C10orf90: variants seen among roughly 807,000 people sequenced by gnomAD.
C10orf90 encodes (E2-independent) E3 ubiquitin-conjugating enzyme FATS.
C10orf90 carries 56 observed loss-of-function variants against 62.5 expected under a neutral mutation model. The observed-to-expected ratio is 0.90, with a 90% confidence interval of 0.72 to 1.12. The LOEUF (loss-of-function observed/expected upper bound fraction) is 1.12. Among genes scored for constraint, C10orf90 ranks in the 50% most tolerant of loss-of-function variants. The probability of loss-of-function intolerance (pLI) is 0.00; values close to 1 mark genes in which losing one functional copy is unlikely to be tolerated. For synonymous variants in C10orf90, 386 were observed against 340.4 expected (o/e 1.13, Z -1.47); for missense variants, 970 against 880.4 (o/e 1.10, Z -1.29).
intron 2 of C10orf90, among the ~76,000 whole-genome samples, chr10:126,590,659 A>C (rs542838778): frequency 8.5e-5 from 13 of 152,278 alleles, no homozygotes; most frequent in African/African-American, 3.1e-4. Flanking sequence ...GAGACAACAT[A>C]CCAGAATCTC....
intron 4 of C10orf90, among the ~76,000 whole-genome samples, chr10:126,495,789 C>A (rs985780048): frequency 6.6e-6 from 1 of 152,174 alleles, no homozygotes; most frequent in African/African-American, 2.4e-5. Context: ...ATCTAGAATA[C>A]TTTTTCTTTC....
rs776898809 is a variant in C10orf90 at position 126,459,084 on chromosome 10, A to G, written c.2144T>C (p.Ile715Thr). The G allele has an allele frequency of 1.1e-5, 17 of 1,613,764 alleles. No individual in the cohort carries two copies. The highest frequency in any genetic ancestry group is 1.4e-5 in the Non-Finnish European group (16 of 1,180,026). ...CGTGAACTGCTTCTTGCTGGTGCGG[A>G]TGGGAAGGAGGCTCTGCTTCTGCCT... ...DLRQKQSLLP[I>T]RTSKKQFTIP... The change falls in exon 7 of 10, where the codon ATC (isoleucine) becomes ACC (threonine). Residue 715 changes from isoleucine (I) to threonine (T), a missense_variant. Coordinates refer to ENST00000488181, the MANE Select transcript of C10orf90 (RefSeq NM_001350921.2).
chr10:126,659,044 A>G (rs372223791), intron 1 of C10orf90, among the ~76,000 whole-genome samples: 8 of 152,244 alleles, frequency 5.3e-5, no homozygotes, highest in African/African-American at 1.9e-4. Context: ...CAGCCAGCAC[A>G]GTGGCTGCAC....
chr10:126,488,593 T>C (rs1352707626), intron 4 of C10orf90, among the ~76,000 whole-genome samples: 1 of 151,466 alleles, frequency 6.6e-6, no homozygotes, highest in Non-Finnish European at 1.5e-5. Flanking sequence ...AAAAAATCAA[T>C]AAAATGGACA....
chr10:126,608,529 G>C (rs1217552607), intron 2 of C10orf90, among the ~76,000 whole-genome samples: 1 of 152,190 alleles, frequency 6.6e-6, no homozygotes, highest in East Asian at 1.9e-4. Context: ...TCGTTTTGGT[G>C]TAGTATCAAG....
chr10:126,594,108 C>CT (rs5788794), intron 2 of C10orf90, among the ~76,000 whole-genome samples: 12,937 of 132,028 alleles, frequency 0.098, 701 homozygotes, highest in Middle Eastern at 0.12. Flanking sequence ...ACCAGGCTTG[C>CT]TTTTTTTTTT....
At position 126,430,976 on chromosome 10, in the gene C10orf90, T is replaced by C. The variant is rs370464875; in HGVS notation, c.2189-1126A>G. Reference sequence around the variant, plus strand: ...GAAACATAACACAGCTACTGACTTATAATATGGAAAACAACAGAGTGGCTA... The same window carrying C: ...GAAACATAACACAGCTACTGACTTACAATATGGAAAACAACAGAGTGGCTA... On this transcript the variant is annotated intron_variant, in intron 7 of 9. Transcript: ENST00000488181. Among the ~76,000 whole-genome samples, 8 of 152,296 alleles carry C rather than the reference T, an allele frequency of 5.3e-5. No homozygotes were observed. The East Asian group carries it at 1.2e-3, about 22-fold the overall frequency.
intron 2 of C10orf90, among the ~76,000 whole-genome samples, chr10:126,575,476 ATAT>A (rs1844590744): frequency 6.6e-6 from 1 of 152,084 alleles, no homozygotes; most frequent in Admixed American, 6.5e-5. Flanking sequence ...AGAAGAATTA[ATAT>A]TATTAAAATG....
At chr10:126,547,043 A>G (rs1864508775) in intron 2 of C10orf90, among the ~76,000 whole-genome samples, 2 of 151,964 alleles carry the variant, frequency 1.3e-5, no homozygotes, top group Non-Finnish European at 2.9e-5. Context: ...CAGGAGGTGG[A>G]GATTGCAATG....
intron 2 of C10orf90, among the ~76,000 whole-genome samples, chr10:126,527,463 C>A (rs574144867): frequency 6.6e-6 from 1 of 152,242 alleles, no homozygotes; most frequent in South Asian, 2.1e-4. Context: ...CCTCCCTACC[C>A]CTGCCAATGA....
intron 2 of C10orf90, among the ~76,000 whole-genome samples, chr10:126,609,899 T>C (rs1845395705): frequency 1.3e-5 from 2 of 152,140 alleles, no homozygotes; most frequent in East Asian, 3.9e-4. Context: ...ATCAGGAGGA[T>C]ATGCATCTCC....
At chr10:126,474,646 T>A (rs757396277) in intron 4 of C10orf90, among the ~76,000 whole-genome samples, 1 of 152,192 alleles carries the variant, frequency 6.6e-6, no homozygotes, top group Non-Finnish European at 1.5e-5. Flanking sequence ...ATAAAAATAA[T>A]TATTAAATTA....
chr10:126,662,093 T>TAAA (rs10695373), intron 1 of C10orf90, among the ~76,000 whole-genome samples: 21,970 of 148,682 alleles, frequency 0.15, 1,723 homozygotes, highest in South Asian at 0.23. Context: ...GTAGTCTTGT[T>TAAA]AAAAAAAAAA....
intron 2 of C10orf90, chr10:126,524,526 G>C: frequency 1.6e-6 from 1 of 631,424 alleles, no homozygotes; most frequent in Non-Finnish European, 2.0e-6. Context: ...AGAGAGTCAG[G>C]GCTTAGGCAG....
In C10orf90 at chr10:126,568,767, G is replaced by A. The variant is rs145280859; in HGVS notation, c.314-54828C>T. 5.2e-3 allele frequency among the ~76,000 whole-genome samples: 796 copies of A among 152,244 alleles called. 5 individuals carry two copies. The highest frequency in any genetic ancestry group is 0.01 in the Middle Eastern group (3 of 294). ...GAGGCTCAGAGTGGGGAAGCCAAGG[G>A]GCTCACAGCTCACAGTGCCATTTCC... On this transcript the variant is annotated intron_variant, in intron 2 of 9. Coordinates refer to ENST00000488181, the MANE Select transcript of C10orf90 (RefSeq NM_001350921.2).
At chr10:126,643,697 T>C (rs979276076) in intron 2 of C10orf90, among the ~76,000 whole-genome samples, 1 of 152,202 alleles carries the variant, frequency 6.6e-6, no homozygotes, top group African/African-American at 2.4e-5. Flanking sequence ...TTCACTGGTT[T>C]CCTTACAACA....
intron 2 of C10orf90, among the ~76,000 whole-genome samples, chr10:126,629,207 C>A (rs1365577102): frequency 6.6e-6 from 1 of 152,230 alleles, no homozygotes; most frequent in Non-Finnish European, 1.5e-5. Flanking sequence ...TCACTGACCT[C>A]TTCCTGCATT....
intron 4 of C10orf90, chr10:126,502,774 TA>T: frequency 1.9e-6 from 1 of 519,966 alleles, no homozygotes; most frequent in Non-Finnish European, 3.9e-6. Context: ...CTTTAACCAC[TA>T]AAGTGGGATT....
intron 7 of C10orf90, among the ~76,000 whole-genome samples, chr10:126,435,588 T>C (rs908648909): frequency 1.3e-5 from 2 of 152,150 alleles, no homozygotes; most frequent in Admixed American, 6.5e-5. Flanking sequence ...AGACCCCTGA[T>C]ACAATATGGC....
Sources: gnomAD v4.1 joint callset for allele counts (sites outside exome capture counted in the v4.1 genomes callset) on GRCh38, gnomAD v4.1.1 for gene constraint, MANE v1.5 for transcripts, NCBI Gene and HGNC (gene_info 2026-07-23, HGNC 2026-07-21) for gene names.